KLRG1: variants seen among roughly 807,000 people sequenced by gnomAD.
KLRG1 encodes the protein killer cell lectin like receptor G1.
A neutral mutation model predicts 21.8 loss-of-function variants in KLRG1; 16 were observed. That is an observed-to-expected ratio of 0.73 (90% CI 0.50 to 1.11). KLRG1 has a LOEUF of 1.11. Ranked by LOEUF, KLRG1 falls within the 50% of genes most tolerant of loss-of-function variation. The pLI is 0.00. For missense variants in KLRG1, 173 were observed against 218.3 expected (o/e 0.79, Z 1.31); for synonymous variants, 69 against 75.9 (o/e 0.91, Z 0.47).
At chr12:9,080,729 GAAAAT>G in the KLRG1 span, among the ~76,000 whole-genome samples, 1 of 152,072 alleles carries the variant, frequency 6.6e-6, no homozygotes, top group Non-Finnish European at 1.5e-5. Context: ...TTGATGCATT[GAAAAT>G]AAAATAATTA....
chr12:9,107,806 C>T, the KLRG1 span, among the ~76,000 whole-genome samples: 1 of 152,122 alleles, frequency 6.6e-6, no homozygotes, highest in Admixed American at 6.5e-5. Flanking sequence ...ACTAATGGCT[C>T]TTATAGAAAT....
At chr12:9,074,998 C>G in the KLRG1 span, among the ~76,000 whole-genome samples, 1 of 152,168 alleles carries the variant, frequency 6.6e-6, no homozygotes, top group Admixed American at 6.5e-5. Context: ...CTATGCCTAT[C>G]TATGTTTTCA....
the KLRG1 span, among the ~76,000 whole-genome samples, chr12:9,121,427 G>A: frequency 6.6e-6 from 1 of 152,088 alleles, no homozygotes; most frequent in Non-Finnish European, 1.5e-5. The surrounding 1 kb of genome is among the most constrained non-coding windows in gnomAD (Gnocchi z 4.4). Flanking sequence ...TGTAGTCCCA[G>A]CTGCACGGGA....
the KLRG1 span, among the ~76,000 whole-genome samples, chr12:9,124,466 A>G: frequency 6.6e-6 from 1 of 151,958 alleles, no homozygotes; most frequent in African/African-American, 2.4e-5. Context: ...CAAGATCTAC[A>G]CTCCCCGTGC....
At chr12:8,975,129 A>C (rs1946637593) in intron 1 of KLRG1, among the ~76,000 whole-genome samples, 2 of 151,932 alleles carry the variant, frequency 1.3e-5, no homozygotes, top group Non-Finnish European at 2.9e-5. Flanking sequence ...CAAACTCCTG[A>C]CCTCAAGTGA....
chr12:9,087,041 T>G, the KLRG1 span, among the ~76,000 whole-genome samples: 1 of 152,086 alleles, frequency 6.6e-6, no homozygotes, highest in East Asian at 1.9e-4. Flanking sequence ...ACAATAGCTA[T>G]AAACAATATG....
intron 3 of KLRG1, among the ~76,000 whole-genome samples, chr12:8,995,710 T>G (rs752567176): frequency 6.9e-5 from 10 of 145,872 alleles, no homozygotes; most frequent in South Asian, 2.2e-4. Flanking sequence ...TTTGACAGAG[T>G]CTCCCTCTGT....
intron 3 of KLRG1, among the ~76,000 whole-genome samples, chr12:8,998,572 C>T (rs750630938): frequency 1.3e-5 from 2 of 151,828 alleles, no homozygotes; most frequent in South Asian, 4.2e-4. Flanking sequence ...ACCTGTGGTC[C>T]CAGCTACTCG....
Position 9,009,660 on chromosome 12 carries a change from G to A in KLRG1, c.*123G>A. 1 of 1,450,344 alleles carries A rather than the reference G, an allele frequency of 6.9e-7. No individual in the cohort carries two copies. The highest frequency in any genetic ancestry group is 9.0e-7 in the Non-Finnish European group (1 of 1,105,790). 89.8% of individuals were successfully genotyped at this position (1,450,344 alleles called of 1,614,324 possible). On this transcript the variant is annotated 3_prime_UTR_variant, in exon 5 of 5. Coordinates refer to ENST00000356986, the MANE Select transcript of KLRG1 (RefSeq NM_005810.4). ...GCAAATACTGAACTTTCTCAGATATGGCATTAGATGCAAGACAACCTCCTA... is the reference window on the plus strand; with the variant it reads ...GCAAATACTGAACTTTCTCAGATATAGCATTAGATGCAAGACAACCTCCTA...
At chr12:9,166,870 A>G in the KLRG1 span, 1 of 152,302 alleles carries the variant, frequency 6.6e-6, no homozygotes, top group South Asian at 2.1e-4. Context: ...CATGAAAGCA[A>G]TTTTGTCCAC....
At chr12:9,145,173 G>A in the KLRG1 span, among the ~76,000 whole-genome samples, 10 of 152,156 alleles carry the variant, frequency 6.6e-5, no homozygotes, top group Non-Finnish European at 1.0e-4. Flanking sequence ...TGCATTTAAA[G>A]TAATTGTTGA....
the KLRG1 span, among the ~76,000 whole-genome samples, chr12:9,043,020 C>T: frequency 6.6e-6 from 1 of 151,772 alleles, no homozygotes; most frequent in East Asian, 1.9e-4. Context: ...AATATTTATG[C>T]CCTTATCCTT....
At chr12:9,146,810 C>T in the KLRG1 span, among the ~76,000 whole-genome samples, 33 of 152,274 alleles carry the variant, frequency 2.2e-4, no homozygotes, top group African/African-American at 7.5e-4. Flanking sequence ...TCTTTCTCCC[C>T]CAGGCAGCCA....
chr12:9,165,464 A>C, the KLRG1 span: 180 of 1,369,142 alleles, frequency 1.3e-4, 1 homozygote, highest in South Asian at 2.3e-3. Flanking sequence ...CAAGAACTGA[A>C]TCCACTTAAG....
the KLRG1 span, among the ~76,000 whole-genome samples, chr12:9,093,276 G>C: frequency 1.3e-5 from 2 of 152,156 alleles, no homozygotes; most frequent in African/African-American, 2.4e-5. Flanking sequence ...AACAATGTGA[G>C]CTAATGGATG....
the KLRG1 span, among the ~76,000 whole-genome samples, chr12:9,132,858 A>T: frequency 6.6e-6 from 1 of 152,220 alleles, no homozygotes; most frequent in Non-Finnish European, 1.5e-5. Context: ...ATTAATGATT[A>T]GATGTATATC....
At chr12:9,127,978 C>A in the KLRG1 span, 3 of 310,060 alleles carry the variant, frequency 9.7e-6, no homozygotes, top group South Asian at 3.2e-5. Flanking sequence ...CGCCGCCTGG[C>A]TGCAGATCAC....
chr12:8,992,164 T>C (rs766582970), intron 1 of KLRG1, 42 bp from the exon 2 acceptor site: 91 of 1,512,516 alleles, frequency 6.0e-5, no homozygotes, highest in Non-Finnish European at 7.9e-5. Flanking sequence ...TCTTTCAACC[T>C]GTCATCTGAC....
At chr12:9,114,994 A>G in the KLRG1 span, among the ~76,000 whole-genome samples, 837 of 152,294 alleles carry the variant, frequency 5.5e-3, 6 homozygotes, top group South Asian at 0.036. Flanking sequence ...TTATGCATCC[A>G]TGGATTGCAA....
Sources: allele counts gnomAD v4.1 joint callset (sites outside exome capture counted in the v4.1 genomes callset), GRCh38; gene constraint gnomAD v4.1.1; non-coding constraint Gnocchi (gnomAD v3.1); transcripts MANE v1.5; gene names NCBI Gene and HGNC (gene_info 2026-07-23, HGNC 2026-07-21).